The following CHN2 variants were observed in gnomAD, a reference collection of about 807,000 sequenced individuals.
CHN2 encodes the protein beta-chimaerin.
A neutral mutation model predicts 56.3 loss-of-function variants in CHN2; 35 were observed. The observed-to-expected ratio is 0.62, with a 90% CI of 0.47 to 0.82. The LOEUF is 0.82. Ranked by LOEUF, CHN2 falls within the 40% of genes least tolerant of loss-of-function variation. The pLI, the probability that CHN2 is intolerant of heterozygous loss-of-function variation, is 0.00. For synonymous variants in CHN2, 210 were observed against 212.8 expected (o/e 0.99, Z 0.12); for missense variants, 491 against 580.5 (o/e 0.85, Z 1.58).
At chr7:29,422,080 G>A (rs1310452749) in intron 6 of CHN2, among the ~76,000 whole-genome samples, 2 of 152,064 alleles carry the variant, frequency 1.3e-5, no homozygotes, top group Admixed American at 6.6e-5. Context: ...TCTGTACTCT[G>A]TTTAAATTAG....
intron 1 of CHN2, among the ~76,000 whole-genome samples, chr7:29,251,962 C>A (rs1788555755): frequency 6.6e-6 from 1 of 152,082 alleles, no homozygotes; most frequent in African/African-American, 2.4e-5. Flanking sequence ...CTTACACATG[C>A]TATATATACT....
chr7:29,283,967 C>A (rs1791940971), intron 1 of CHN2, among the ~76,000 whole-genome samples: 1 of 121,508 alleles, frequency 8.2e-6, no homozygotes, highest in South Asian at 2.7e-4. Flanking sequence ...CACAGTCTCA[C>A]TCTGGAGTGG....
At chr7:29,387,370 A>G (rs993109962) in intron 3 of CHN2, among the ~76,000 whole-genome samples, 1 of 152,254 alleles carries the variant, frequency 6.6e-6, no homozygotes, top group African/African-American at 2.4e-5. Flanking sequence ...TTGATGAGCA[A>G]GGGTCCACAT....
At chr7:29,369,779 A>G (rs1343675294) in intron 3 of CHN2, among the ~76,000 whole-genome samples, 2 of 152,148 alleles carry the variant, frequency 1.3e-5, no homozygotes, top group Non-Finnish European at 2.9e-5. Flanking sequence ...GGTCCACTGC[A>G]TGTCTGTTTG....
rs190198867 is a variant in CHN2 at position 29,174,274 on chromosome 7, G to C, written c.274+27314G>C. On this transcript the variant is annotated intron_variant, in intron 2 of 6. Coordinates refer to the CHN2 transcript ENST00000439384. ...AGAAGCAAAGCCCTCTGCCTCTGGA[G>C]GGGGGCCAGCAATCCCGTCTTTCCA... 1.4e-4 allele frequency among the ~76,000 whole-genome samples: 21 copies of C among 152,324 alleles called. No homozygotes were observed. The East Asian group carries it at 3.3e-3, about 24-fold the overall frequency.
At chr7:29,265,234 A>C (rs908466854) in intron 1 of CHN2, among the ~76,000 whole-genome samples, 4 of 152,150 alleles carry the variant, frequency 2.6e-5, no homozygotes, top group Non-Finnish European at 4.4e-5. Context: ...GAAAGCTCCA[A>C]GTTGCCTCCT....
At chr7:29,164,013 C>A (rs1418339978) in intron 2 of CHN2, among the ~76,000 whole-genome samples, 1 of 152,180 alleles carries the variant, frequency 6.6e-6, no homozygotes, top group Non-Finnish European at 1.5e-5. Flanking sequence ...CATATGCTTT[C>A]GTTTCTCTTG....
At chr7:29,170,031 A>G (rs995526570) in intron 2 of CHN2, among the ~76,000 whole-genome samples, 2 of 151,950 alleles carry the variant, frequency 1.3e-5, no homozygotes, top group African/African-American at 2.4e-5. Flanking sequence ...TGTGAGTACC[A>G]TGCCCAGCTG....
chr7:29,320,017 A>G (rs1795223358), intron 1 of CHN2, among the ~76,000 whole-genome samples: 1 of 152,214 alleles, frequency 6.6e-6, no homozygotes, highest in African/African-American at 2.4e-5. Context: ...GCTGGTCATC[A>G]ATATTCAGTG....
chr7:29,343,678 G>T (rs553159005), intron 1 of CHN2, among the ~76,000 whole-genome samples: 2 of 151,740 alleles, frequency 1.3e-5, no homozygotes, highest in Non-Finnish European at 2.9e-5. Context: ...CTCTCCTATC[G>T]CTCTGGTCTC....
rs140866607 is a variant in CHN2 at position 29,216,800 on chromosome 7, A to C, written c.49+21810A>C. The stretch of plus-strand genomic sequence containing the variant: ...TTGAGGCTCAGATGAATCAGAACGA[A>C]GGGGAAATTAACCGGCTATACTTAT... On this transcript the variant is annotated intron_variant, in intron 1 of 12. Transcript: ENST00000222792. Among the ~76,000 whole-genome samples the C allele has an allele frequency of 5.9e-3, 901 of 152,346 alleles. 12 individuals are homozygous for C. Among genetic ancestry groups the C allele is most frequent in the African/African-American group, 0.02 (836 of 41,582 alleles).
chr7:29,254,796 C>T (rs940776428), intron 1 of CHN2, among the ~76,000 whole-genome samples: 2 of 152,144 alleles, frequency 1.3e-5, no homozygotes, highest in African/African-American at 2.4e-5. Flanking sequence ...TGTGTCTGCT[C>T]CTCAGAGCCT....
chr7:29,163,531 A>G (rs1199809236), intron 2 of CHN2, among the ~76,000 whole-genome samples: 1 of 152,168 alleles, frequency 6.6e-6, no homozygotes, highest in Non-Finnish European at 1.5e-5. Context: ...ATTATTACCT[A>G]AGAGACAATA....
chr7:29,483,545 G>GT (rs1441542791), intron 7 of CHN2, among the ~76,000 whole-genome samples: 1 of 151,888 alleles, frequency 6.6e-6, no homozygotes, highest in Admixed American at 6.6e-5. Flanking sequence ...GCACTGAGAC[G>GT]TATTTGTTGG....
chr7:29,181,372 G>T (rs1798033945), intron 2 of CHN2: 1 of 152,150 alleles, frequency 6.6e-6, no homozygotes, highest in Non-Finnish European at 1.5e-5. Flanking sequence ...TGTGCAGCTG[G>T]TGCCCATGCC....
At chr7:29,482,797 C>CTTTTTTTTTTTTTTTTTTTTTTTTTT (rs375120538) in intron 7 of CHN2, among the ~76,000 whole-genome samples, 2 of 64,214 alleles carry the variant, frequency 3.1e-5, no homozygotes, top group Admixed American at 2.3e-4. Context: ...GCACTTTTTT[C>CTTTTTTTTTTTTTTTTTTTTTTTTTT]TTTTTTTTTT....
At chr7:29,342,026 C>G (rs1797080401) in intron 1 of CHN2, among the ~76,000 whole-genome samples, 1 of 152,222 alleles carries the variant, frequency 6.6e-6, no homozygotes, top group Non-Finnish European at 1.5e-5. Context: ...TTTCAGAACG[C>G]TTTTTGTAGT....
chr7:29,212,468 T>A, intron 1 of CHN2: 1 of 1,593,558 alleles, frequency 6.3e-7, no homozygotes, highest in Non-Finnish European at 8.6e-7. Context: ...CTCTTCTTCC[T>A]CCATGGATCT....
intron 1 of CHN2, among the ~76,000 whole-genome samples, chr7:29,341,504 T>C (rs1797051443): frequency 6.6e-6 from 1 of 151,932 alleles, no homozygotes; most frequent in African/African-American, 2.4e-5. Context: ...AGTATCTCTA[T>C]TGACAATGAA....
Sources: gnomAD v4.1 joint callset for allele counts (sites outside exome capture counted in the v4.1 genomes callset) on GRCh38, gnomAD v4.1.1 for gene constraint, MANE v1.5 for transcripts, NCBI Gene and HGNC (gene_info 2026-07-23, HGNC 2026-07-21) for gene names.